Variants in GRID2 observed in about 807,000 individuals in gnomAD.
The protein encoded by GRID2 is glutamate ionotropic receptor delta type subunit 2.
In GRID2, 33 loss-of-function variants were observed where a neutral mutation model predicts 114.8. The ratio of observed to expected loss-of-function variants is 0.29; its 90% CI spans 0.22 to 0.38. The LOEUF is 0.38. GRID2 is among the 10% of genes least tolerant of loss of function. GRID2 has a pLI of 1.00. For synonymous variants in GRID2, 505 were observed against 449.9 expected, an observed-to-expected ratio of 1.12 and a Z score of -1.55; for missense variants, 1,184 against 1,257.7, an observed-to-expected ratio of 0.94 and a Z score of 0.89.
chr4:92,380,957 A>G (rs1050617585), intron 1 of GRID2, among the ~76,000 whole-genome samples: 1 of 152,016 alleles, frequency 6.6e-6, no homozygotes, highest in Non-Finnish European at 1.5e-5. Flanking sequence ...TAAATAATAT[A>G]CTTTGCAATA....
intron 2 of GRID2, among the ~76,000 whole-genome samples, chr4:92,663,946 G>A (rs1579796576): frequency 1.3e-5 from 2 of 151,046 alleles, no homozygotes; most frequent in South Asian, 2.1e-4. Context: ...ATCAAGATTC[G>A]TCCATGTTGT....
At chr4:92,352,363 T>G (rs960525007) in intron 1 of GRID2, among the ~76,000 whole-genome samples, 27 of 150,770 alleles carry the variant, frequency 1.8e-4, no homozygotes, top group Admixed American at 3.3e-4. Flanking sequence ...TTATTATTAT[T>G]ATTATATTTT....
chr4:93,718,970 C>T (rs753049519), intron 14 of GRID2, among the ~76,000 whole-genome samples: 4 of 151,976 alleles, frequency 2.6e-5, no homozygotes, highest in Non-Finnish European at 2.9e-5. Context: ...AAAGATAAAT[C>T]ATAGCTGATG....
chr4:93,053,004 A>G (rs1726869206), intron 2 of GRID2, among the ~76,000 whole-genome samples: 1 of 151,868 alleles, frequency 6.6e-6, no homozygotes, highest in African/African-American at 2.4e-5. Flanking sequence ...AGTGTCTCAC[A>G]TATGTCAGAG....
chr4:92,330,894 T>A (rs1726850553), intron 1 of GRID2, among the ~76,000 whole-genome samples: 1 of 152,128 alleles, frequency 6.6e-6, no homozygotes, highest in African/African-American at 2.4e-5. Flanking sequence ...TGATCTCAAA[T>A]TAGGATATTT....
chr4:92,539,746 A>G (rs909959745), intron 1 of GRID2, among the ~76,000 whole-genome samples: 1 of 152,198 alleles, frequency 6.6e-6, no homozygotes, highest in African/African-American at 2.4e-5. Context: ...CTGTCCATGA[A>G]CTGGATCTCA....
chr4:93,767,839 T>A (rs1733793836), intron 14 of GRID2, among the ~76,000 whole-genome samples: 1 of 152,092 alleles, frequency 6.6e-6, no homozygotes, highest in African/African-American at 2.4e-5. Context: ...TGGGCAAGAG[T>A]ACAAATATAG....
intron 9 of GRID2, among the ~76,000 whole-genome samples, chr4:93,412,230 C>G: frequency 8.5e-6 from 1 of 117,676 alleles, no homozygotes; most frequent in African/African-American, 3.9e-5. Flanking sequence ...TAAGACCCAT[C>G]CCCCCCCCCC....
intron 2 of GRID2, among the ~76,000 whole-genome samples, chr4:92,832,550 C>T (rs537189955): frequency 5.3e-5 from 8 of 152,126 alleles, no homozygotes; most frequent in Non-Finnish European, 1.0e-4. Context: ...CCCGCCACCA[C>T]GCCTGACTAA....
intron 1 of GRID2, among the ~76,000 whole-genome samples, chr4:92,486,573 AC>A (rs1370074160): frequency 6.6e-6 from 1 of 151,346 alleles, no homozygotes; most frequent in African/African-American, 2.4e-5. Context: ...ACACACACAC[AC>A]ACACACACAC....
At chr4:92,601,025 C>T (rs2149219435) in intron 2 of GRID2, among the ~76,000 whole-genome samples, 1 of 152,016 alleles carries the variant, frequency 6.6e-6, no homozygotes, top group Admixed American at 6.5e-5. Flanking sequence ...CCGTCCCTCC[C>T]CCAAAGGGCT....
chr4:92,952,577 G>A (rs894661226), intron 2 of GRID2, among the ~76,000 whole-genome samples: 1 of 152,150 alleles, frequency 6.6e-6, no homozygotes, highest in Non-Finnish European at 1.5e-5. Flanking sequence ...ATATTAAGAG[G>A]TGGTATTTGG....
At chr4:93,376,964 C>G (rs897934077) in intron 8 of GRID2, among the ~76,000 whole-genome samples, 4 of 152,102 alleles carry the variant, frequency 2.6e-5, no homozygotes, top group Non-Finnish European at 5.9e-5. Context: ...TGCACATGTA[C>G]CTGCACATGA....
chr4:92,982,022 T>TAAAAAAAAAAAAAAAA (rs1161216679), intron 2 of GRID2, among the ~76,000 whole-genome samples: 2 of 80,188 alleles, frequency 2.5e-5, no homozygotes, highest in Non-Finnish European at 5.1e-5. Flanking sequence ...AAAGTACTGG[T>TAAAAAAAAAAAAAAAA]AAAAAAAAAA....
chr4:92,551,742 A>G (rs572521995), intron 1 of GRID2, among the ~76,000 whole-genome samples: 19 of 152,280 alleles, frequency 1.2e-4, no homozygotes, highest in East Asian at 1.2e-3. Flanking sequence ...ACATCAGACA[A>G]TTATAAACAT....
At position 93,011,928 on chromosome 4, in the gene GRID2, T is replaced by C. The variant is rs78172737; in HGVS notation, c.245-73067T>C. 8.6e-3 allele frequency among the ~76,000 whole-genome samples: 1,308 copies of C among 152,142 alleles called. 22 individuals carry two copies. The highest frequency in any genetic ancestry group is 0.03 in the African/African-American group (1,237 of 41,548). The stretch of plus-strand genomic sequence containing the variant: ...TTCGGTTTTATAATGTACAATGATA[T>C]GTACTATAGAACATAGACAATACTT... On this transcript the variant is annotated intron_variant, in intron 2 of 15. Coordinates refer to ENST00000282020, the MANE Select transcript of GRID2 (RefSeq NM_001510.4).
At chr4:92,748,832 T>G (rs1737288571) in intron 2 of GRID2, among the ~76,000 whole-genome samples, 1 of 150,888 alleles carries the variant, frequency 6.6e-6, no homozygotes, top group South Asian at 2.1e-4. Context: ...CTGCTAATTT[T>G]TTTGTATTTT....
At chr4:92,825,296 G>A (rs1352781995) in intron 2 of GRID2, among the ~76,000 whole-genome samples, 2 of 152,070 alleles carry the variant, frequency 1.3e-5, no homozygotes, top group Admixed American at 6.6e-5. Flanking sequence ...ATTGGGGCTC[G>A]CAGTCTGTTG....
At chr4:93,714,987 C>T (rs1728786748) in intron 14 of GRID2, among the ~76,000 whole-genome samples, 1 of 152,038 alleles carries the variant, frequency 6.6e-6, no homozygotes, top group Admixed American at 6.6e-5. Flanking sequence ...TAGGTGTCTT[C>T]CTCATGAAAT....
Sources: gnomAD v4.1 joint callset for allele counts (sites outside exome capture counted in the v4.1 genomes callset) on GRCh38, gnomAD v4.1.1 for gene constraint, MANE v1.5 for transcripts, NCBI Gene and HGNC (gene_info 2026-07-23, HGNC 2026-07-21) for gene names.